SLC35F4: variants seen among roughly 807,000 people sequenced by gnomAD.
SLC35F4 encodes chromosome 14 open reading frame 36.
Under a neutral mutation model 44.2 loss-of-function variants are expected in SLC35F4, and 24 were observed. That is an observed-to-expected ratio of 0.54 (90% CI 0.39 to 0.76). SLC35F4 has a LOEUF of 0.76. SLC35F4 is among the 30% of genes least tolerant of loss of function. The pLI is 0.00. For missense variants in SLC35F4, 562 were observed against 586.1 expected (o/e 0.96, Z 0.42); for synonymous variants, 238 against 223.6 (o/e 1.06, Z -0.57).
intron 1 of SLC35F4, among the ~76,000 whole-genome samples, chr14:57,750,422 G>A (rs1331706333): frequency 6.6e-6 from 1 of 152,074 alleles, no homozygotes; most frequent in Non-Finnish European, 1.5e-5. Context: ...GGGATTGCTG[G>A]ATCAAATGGT....
intron 1 of SLC35F4, among the ~76,000 whole-genome samples, chr14:57,789,016 T>C (rs1170845221): frequency 6.6e-6 from 1 of 152,092 alleles, no homozygotes; most frequent in African/African-American, 2.4e-5. Context: ...AAAGCAGTGT[T>C]TAGAGGGAAA....
intron 1 of SLC35F4, among the ~76,000 whole-genome samples, chr14:57,938,938 A>G (rs1889866165): frequency 6.6e-6 from 1 of 152,232 alleles, no homozygotes; most frequent in Admixed American, 6.5e-5. Flanking sequence ...AAGCAGGTTC[A>G]GCAGCTAGAC....
intron 1 of SLC35F4, among the ~76,000 whole-genome samples, chr14:57,917,000 T>C (rs1466520465): frequency 6.6e-6 from 1 of 151,452 alleles, no homozygotes; most frequent in Non-Finnish European, 1.5e-5. Flanking sequence ...TTAGAATTTA[T>C]ATCTCTCTGG....
At chr14:57,939,403 C>T (rs961537491) in intron 1 of SLC35F4, among the ~76,000 whole-genome samples, 1 of 152,120 alleles carries the variant, frequency 6.6e-6, no homozygotes, top group African/African-American at 2.4e-5. Context: ...AGAAGAGCCA[C>T]CAACTGTAGC....
chr14:57,836,582 C>T (rs554482568), intron 1 of SLC35F4, among the ~76,000 whole-genome samples: 61 of 152,292 alleles, frequency 4.0e-4, no homozygotes, highest in Middle Eastern at 3.4e-3. Context: ...TGAGCCACTG[C>T]GCCGGCCTGA....
At chr14:57,681,924 G>A (rs1038997231) in intron 1 of SLC35F4, among the ~76,000 whole-genome samples, 3 of 152,298 alleles carry the variant, frequency 2.0e-5, no homozygotes, top group South Asian at 4.1e-4. Flanking sequence ...TTAGAGAAAT[G>A]CAAATCAAAA....
chr14:57,742,978 T>C (rs2076654319), intron 1 of SLC35F4, among the ~76,000 whole-genome samples: 1 of 152,126 alleles, frequency 6.6e-6, no homozygotes, highest in Non-Finnish European at 1.5e-5. Context: ...GACTACTGGG[T>C]ACGTAACAAA....
chr14:57,880,030 GAGGGAGGA>G (rs1375162317), intron 1 of SLC35F4, among the ~76,000 whole-genome samples: 20 of 120,084 alleles, frequency 1.7e-4, no homozygotes, highest in African/African-American at 5.3e-4. Flanking sequence ...GAAAGGAAAG[GAGGGAGGA>G]AGGAAGGAAG....
At chr14:57,918,930 C>T (rs1889385565) in intron 1 of SLC35F4, among the ~76,000 whole-genome samples, 1 of 152,168 alleles carries the variant, frequency 6.6e-6, no homozygotes, top group Non-Finnish European at 1.5e-5. Context: ...GGCTAACACC[C>T]CAAAAATTTA....
In SLC35F4 at chr14:57,645,898, T is replaced by C. The variant is rs890197563; in HGVS notation, c.104-51774A>G. 2.0e-5 allele frequency among the ~76,000 whole-genome samples: 3 copies of C among 152,232 alleles called. 1 individual carries two copies. The stretch of plus-strand genomic sequence containing the variant: ...GAGATAATCATGTGGTTTTTGTCTT[T>C]GGTTCCGTTTATATGCTGGATTACA... On this transcript the variant is annotated intron_variant, in intron 1 of 7. Transcript: ENST00000556826.
chr14:57,866,391 T>TC (rs1236051705), upstream of SLC35F4, among the ~76,000 whole-genome samples: 1 of 152,054 alleles, frequency 6.6e-6, no homozygotes, highest in Non-Finnish European at 1.5e-5. Flanking sequence ...CGGGACTCGG[T>TC]CCACGCTTGG....
At chr14:57,577,709 G>T (rs1028681189) in intron 4 of SLC35F4, among the ~76,000 whole-genome samples, 2 of 151,570 alleles carry the variant, frequency 1.3e-5, no homozygotes, top group African/African-American at 4.8e-5. Context: ...TGGTTCTTAC[G>T]AATTTAAGAA....
chr14:57,807,250 T>TGAGTCCAGGAGGTCAAGG (rs1411862476), intron 1 of SLC35F4, among the ~76,000 whole-genome samples: 5 of 149,538 alleles, frequency 3.3e-5, no homozygotes, highest in African/African-American at 1.0e-4. Flanking sequence ...GAGCATGAGT[T>TGAGTCCAGGAGGTCAAGG]CTCTCTGCTC....
intron 1 of SLC35F4, among the ~76,000 whole-genome samples, chr14:57,602,697 C>G (rs765719637): frequency 5.9e-5 from 9 of 152,150 alleles, no homozygotes; most frequent in Non-Finnish European, 1.2e-4. Flanking sequence ...CCCTGGGTCT[C>G]CAAATGCCAG....
At chr14:57,740,803 G>T (rs769728646) in intron 1 of SLC35F4, among the ~76,000 whole-genome samples, 1 of 152,158 alleles carries the variant, frequency 6.6e-6, no homozygotes, top group African/African-American at 2.4e-5. Flanking sequence ...GCTTTTAAAA[G>T]ATCTGAGAAC....
In SLC35F4 at chr14:57,569,845, A is replaced by C; in HGVS notation, c.1069T>G (p.Ser357Ala). 6.2e-7 allele frequency: 1 copy of C among 1,611,848 alleles called. No homozygotes were observed. Among genetic ancestry groups the C allele is most frequent in the Non-Finnish European group, 8.5e-7 (1 of 1,179,040 alleles). Residue 357 changes from serine (S) to alanine (A), a missense_variant, in exon 6 of 8, where the codon TCC becomes GCC. Ser to Ala is a moderately conservative substitution (Grantham distance 99). Transcript: ENST00000556826. ...ILYFTKVEHW[S>A]SFAALPWGCL... ...CCCCATGGCAGAGCAGCAAAAGAGG[A>C]CCAGTGCTCCACCTTGGTGAAATAC...
At chr14:57,740,686 A>G (rs890241375) in intron 1 of SLC35F4, among the ~76,000 whole-genome samples, 15 of 152,248 alleles carry the variant, frequency 9.9e-5, no homozygotes, top group Non-Finnish European at 2.2e-4. Flanking sequence ...ACAAATACTT[A>G]TGGTGATGGC....
At chr14:57,771,334 C>T (rs989455098) in intron 1 of SLC35F4, among the ~76,000 whole-genome samples, 2 of 152,164 alleles carry the variant, frequency 1.3e-5, no homozygotes, top group African/African-American at 4.8e-5. Flanking sequence ...AATTTCTCTG[C>T]CTTCCATCCA....
intron 1 of SLC35F4, chr14:57,631,088 T>C (rs2072748021): frequency 6.3e-6 from 1 of 158,926 alleles, no homozygotes; most frequent in African/African-American, 2.4e-5. Context: ...AATGAAGTCA[T>C]AGCTACAGTA....
Sources: gnomAD v4.1 joint callset for allele counts (sites outside exome capture counted in the v4.1 genomes callset) on GRCh38, gnomAD v4.1.1 for gene constraint, MANE v1.5 for transcripts, NCBI Gene and HGNC (gene_info 2026-07-23, HGNC 2026-07-21) for gene names.